Variants in IGLL1 observed in about 807,000 individuals in gnomAD.
IGLL1 encodes the protein immunoglobulin lambda like polypeptide 1, also known as immunoglobulin lambda-like polypeptide 1.
In IGLL1, 10 loss-of-function variants were observed where a neutral mutation model predicts 10.5. The ratio of observed to expected loss-of-function variants is 0.95; its 90% CI spans 0.59 to 1.62. The LOEUF (loss-of-function observed/expected upper bound fraction) is 1.62, where lower values mean the gene tolerates loss of function less well. Among genes scored for constraint, IGLL1 ranks in the 40% most tolerant of loss-of-function variants. The pLI is 0.00. For synonymous variants in IGLL1, 141 were observed against 122.7 expected (o/e 1.15, Z -0.99); for missense variants, 284 against 278.7 (o/e 1.02, Z -0.14).
At position 23,574,066 on chromosome 22, in the gene IGLL1, AC is replaced by A. The variant is rs565068846; in HGVS notation, c.323-482del. Among the ~76,000 whole-genome samples the A allele has an allele frequency of 7.9e-5, 12 of 151,080 alleles. No homozygotes were observed. The South Asian group carries it at 2.5e-3, about 32-fold the overall frequency. Reference sequence around the variant, plus strand: ...TGAAGCGTGGGCTCCACCCAGACACACCCTGGGGCTCTGCCGTCGCCCCTGT... The same window carrying A: ...TGAAGCGTGGGCTCCACCCAGACACACCTGGGGCTCTGCCGTCGCCCCTGT... On this transcript the variant is annotated intron_variant, in intron 2 of 2. Transcript: ENST00000330377.
intron 2 of IGLL1, among the ~76,000 whole-genome samples, chr22:23,574,693 G>A (rs916837919): frequency 6.6e-6 from 1 of 152,170 alleles, no homozygotes; most frequent in Non-Finnish European, 1.5e-5. Context: ...ATCTGCCCTG[G>A]GAGAGGGGAG....
chr22:23,573,411 G>A lies in IGLL1; in HGVS notation c.497C>T (p.Ser166Phe). The A allele has an allele frequency of 6.2e-7, 1 of 1,614,044 alleles. No individual in the cohort carries two copies. Among genetic ancestry groups the A allele is most frequent in the Non-Finnish European group, 8.5e-7 (1 of 1,179,944 alleles). Residue 166 changes from serine to phenylalanine, a missense_variant, in exon 3 of 3, where the codon TCC (serine) becomes TTC (phenylalanine). Coordinates refer to ENST00000330377, the MANE Select transcript of IGLL1 (RefSeq NM_020070.4). ...CGCGTACTTGTTGTTGCTCTGTTTG[G>A]AGGGCGTGGTCATCTCCACGCCCTG... ...ITQGVEMTTP[S>F]KQSNNKYAAS...
intron 2 of IGLL1, among the ~76,000 whole-genome samples, chr22:23,574,607 C>T (rs1488009936): frequency 2.0e-5 from 3 of 152,172 alleles, no homozygotes; most frequent in Non-Finnish European, 2.9e-5. Flanking sequence ...CAGCCTAGAA[C>T]CTGGGGTCCC....
At chr22:23,575,773 C>T (rs574080287) in intron 1 of IGLL1, among the ~76,000 whole-genome samples, 1 of 152,326 alleles carries the variant, frequency 6.6e-6, no homozygotes, top group Non-Finnish European at 1.5e-5. Flanking sequence ...CAACAAGGCC[C>T]TCCTCATGGT....
chr22:23,575,219 C>A, intron 1 of IGLL1, 137 bp from the exon 2 acceptor site: 1 of 752,024 alleles, frequency 1.3e-6, no homozygotes, highest in South Asian at 1.5e-5. Flanking sequence ...GGTGCTGCCC[C>A]AGCGTGTGTC....
At chr22:23,574,006 G>T (rs915080812) in intron 2 of IGLL1, among the ~76,000 whole-genome samples, 3 of 151,560 alleles carry the variant, frequency 2.0e-5, no homozygotes, top group Admixed American at 1.3e-4. Flanking sequence ...GGGGCACCAG[G>T]CTGTGCCCCA....
chr22:23,575,973 A>G (rs1925040072), intron 1 of IGLL1, among the ~76,000 whole-genome samples: 1 of 151,458 alleles, frequency 6.6e-6, no homozygotes, highest in African/African-American at 2.4e-5. Flanking sequence ...TTTCTTAGCC[A>G]TTTTCACACT....
chr22:23,579,884 T>C, intron 1 of IGLL1, 101 bp downstream of exon 1: 1 of 940,642 alleles, frequency 1.1e-6, no homozygotes, highest in Non-Finnish European at 1.6e-6. Flanking sequence ...CCTCCAGGGA[T>C]TAACCTTCCT....
chr22:23,575,525 G>T (rs1277906275), intron 1 of IGLL1, among the ~76,000 whole-genome samples: 1 of 152,170 alleles, frequency 6.6e-6, no homozygotes, highest in Non-Finnish European at 1.5e-5. Flanking sequence ...GTCTCACTTT[G>T]TTCATGAAGC....
chr22:23,578,035 C>T (rs1925148739), intron 1 of IGLL1, among the ~76,000 whole-genome samples: 1 of 152,082 alleles, frequency 6.6e-6, no homozygotes, highest in South Asian at 2.1e-4. Context: ...AGGCTCGCGC[C>T]ACCACGCCCA....
In IGLL1 at chr22:23,576,338, T is replaced by TG. The variant is rs1172965669; in HGVS notation, c.207-1257dup. 1.0e-4 allele frequency among the ~76,000 whole-genome samples: 11 copies of TG among 105,140 alleles called. No individual in the cohort carries two copies. The South Asian group carries it at 1.5e-3, about 14-fold the overall frequency. 69.0% of individuals were successfully genotyped at this position (105,140 alleles called of 152,430 possible). On this transcript the variant is annotated intron_variant, in intron 1 of 2. Coordinates refer to ENST00000330377, the MANE Select transcript of IGLL1 (RefSeq NM_020070.4). Reference sequence around the variant, plus strand: ...CTGTTGCCCAGGCTGGAGTGCAGCCTGGCAACAGAGCAAGACTGTCCCAAA... The same window carrying TG: ...CTGTTGCCCAGGCTGGAGTGCAGCCTGGGCAACAGAGCAAGACTGTCCCAAA...
At chr22:23,579,578 G>A (rs1436218509) in intron 1 of IGLL1, among the ~76,000 whole-genome samples, 2 of 150,202 alleles carry the variant, frequency 1.3e-5, no homozygotes, top group African/African-American at 5.0e-5. Flanking sequence ...ATAGGCCAAG[G>A]GGAAAAGAGG....
At position 23,573,294 on chromosome 22, in the gene IGLL1, T is replaced by A. The variant is rs1924868488; in HGVS notation, c.614A>T (p.Lys205Met). ...QVMHEGSTVE[K>M]TVAPAECS ...TGAACATTCTGCAGGGGCCACCGTC[T>A]TCTCCACGGTGCTCCCTTCGTGCAT... The change falls in exon 3 of 3, where the codon AAG (lysine) becomes ATG (methionine). Residue 205 changes from lysine (K) to methionine (M), a missense_variant. Lys to Met is a moderately conservative substitution (Grantham distance 95). Transcript: ENST00000330377. 6.2e-7 allele frequency: 1 copy of A among 1,614,072 alleles called. No individual in the cohort carries two copies.
chr22:23,574,496 C>T (rs1924958274), intron 2 of IGLL1, among the ~76,000 whole-genome samples: 1 of 152,142 alleles, frequency 6.6e-6, no homozygotes, highest in African/African-American at 2.4e-5. Context: ...CAGCCTAGAC[C>T]CAGAGCCCTC....
At position 23,573,548 on chromosome 22, in the gene IGLL1, C is replaced by T. The variant is rs184173813; in HGVS notation, c.360G>A (p.Pro120=). Residue 120 remains proline, a synonymous_variant, in exon 3 of 3, where the codon CCG becomes CCA. Coordinates refer to ENST00000330377, the MANE Select transcript of IGLL1 (RefSeq NM_020070.4). ...TGGCTTGGAGCTCCTCAGAGGACGGCGGGAACAGAGTGACCGAGGGGGTGG... is the reference window on the plus strand; with the variant it reads ...TGGCTTGGAGCTCCTCAGAGGACGGTGGGAACAGAGTGACCGAGGGGGTGG... The part of the protein sequence containing the change: ...PKATPSVTLF[P]PSSEELQANK... 6.1e-5 allele frequency: 99 copies of T among 1,613,810 alleles called. No homozygotes were observed. The Middle Eastern group carries it at 1.5e-3, about 24-fold the overall frequency.
intron 2 of IGLL1, among the ~76,000 whole-genome samples, chr22:23,574,058 C>A (rs1371652934): frequency 2.0e-5 from 3 of 151,728 alleles, no homozygotes; most frequent in Non-Finnish European, 2.9e-5. Flanking sequence ...TGGGCTCCAC[C>A]CAGACACACC....
At position 23,573,527 on chromosome 22, in the gene IGLL1, T is replaced by A. The variant is rs754280098; in HGVS notation, c.381A>T (p.Gln127His). 1.2e-6 allele frequency: 2 copies of A among 1,613,934 alleles called. No individual in the cohort carries two copies. Residue 127 changes from glutamine (Q) to histidine (H), a missense_variant, in exon 3 of 3, where the codon CAA becomes CAT. By Grantham distance (24) the Gln-to-His change is conservative. Coordinates refer to ENST00000330377, the MANE Select transcript of IGLL1 (RefSeq NM_020070.4). ...TLFPPSSEEL[Q>H]ANKATLVCLM... ...GACACACCAGTGTAGCCTTGTTGGC[T>A]TGGAGCTCCTCAGAGGACGGCGGGA...
chr22:23,580,164 G>GC lies in IGLL1; in HGVS notation c.26dup (p.Leu10ProfsTer2), dbSNP rs1569072706. The GC allele has an allele frequency of 1.3e-6, 2 of 1,544,606 alleles. No homozygotes were observed. The highest frequency in any genetic ancestry group is 1.2e-5 in the South Asian group (1 of 84,268). On this transcript the variant is annotated frameshift_variant, in exon 1 of 3. Coordinates refer to ENST00000330377, the MANE Select transcript of IGLL1 (RefSeq NM_020070.4). LOFTEE classifies it high-confidence loss of function. Reference sequence around the variant, plus strand: ...GGCCTGGCTCACCAGGGGCCTCAAGGCCCCCCTGGCCTGTCCCTGGCCTCA... The same window carrying GC: ...GGCCTGGCTCACCAGGGGCCTCAAGGCCCCCCCTGGCCTGTCCCTGGCCTCA...
intron 2 of IGLL1, among the ~76,000 whole-genome samples, chr22:23,574,224 A>C (rs139683181): frequency 1.3e-5 from 2 of 150,958 alleles, no homozygotes; most frequent in Non-Finnish European, 2.9e-5. Context: ...CCTGGCAGCC[A>C]TGGAGTTCTC....
Sources: allele counts gnomAD v4.1 joint callset (sites outside exome capture counted in the v4.1 genomes callset), GRCh38; gene constraint gnomAD v4.1.1; transcripts MANE v1.5; gene names NCBI Gene and HGNC (gene_info 2026-07-23, HGNC 2026-07-21).